TENM3: variants seen among roughly 807,000 people sequenced by gnomAD.
TENM3 encodes teneurin transmembrane protein 3.
Under a neutral mutation model 255.1 loss-of-function variants are expected in TENM3, and 63 were observed. That is an observed-to-expected ratio of 0.25 (90% CI 0.20 to 0.30). TENM3 has a LOEUF of 0.30. Ranked by LOEUF, TENM3 falls within the 10% of genes least tolerant of loss-of-function variation. TENM3 has a pLI of 1.00. For missense variants in TENM3, 2,929 were observed against 3,461.1 expected, an observed-to-expected ratio of 0.85 and a Z score of 3.86; for synonymous variants, 1,306 against 1,322.3, an observed-to-expected ratio of 0.99 and a Z score of 0.27.
chr4:182,525,746 TG>T (rs1374544019), intron 3 of TENM3, among the ~76,000 whole-genome samples: 1 of 152,200 alleles, frequency 6.6e-6, no homozygotes, highest in Non-Finnish European at 1.5e-5. Context: ...CTTGCCTCTT[TG>T]TCAGTTAACA....
At chr4:182,340,038 T>C (rs1376620653) in intron 2 of TENM3, among the ~76,000 whole-genome samples, 1 of 152,196 alleles carries the variant, frequency 6.6e-6, no homozygotes, top group Non-Finnish European at 1.5e-5. Context: ...GTCAGCCAAC[T>C]CACAACCTAA....
the TENM3 span, among the ~76,000 whole-genome samples, chr4:182,010,486 CAAAT>C: frequency 4.6e-5 from 7 of 151,348 alleles, no homozygotes; most frequent in Non-Finnish European, 7.4e-5. Flanking sequence ...ATTTGATTTA[CAAAT>C]AAATAATTAT....
chr4:181,936,598 C>T, the TENM3 span, among the ~76,000 whole-genome samples: 1 of 152,084 alleles, frequency 6.6e-6, no homozygotes, highest in African/African-American at 2.4e-5. Context: ...GTGAACAAGA[C>T]AGTCTTTGTC....
chr4:181,910,108 C>T, the TENM3 span, among the ~76,000 whole-genome samples: 1 of 152,036 alleles, frequency 6.6e-6, no homozygotes, highest in Non-Finnish European at 1.5e-5. Context: ...CCTTCTTGTC[C>T]TCAGTTATTC....
the TENM3 span, among the ~76,000 whole-genome samples, chr4:182,015,646 C>T: frequency 6.6e-5 from 10 of 152,022 alleles, no homozygotes; most frequent in Admixed American, 5.2e-4. Context: ...CTGCAACCTC[C>T]GCCTCCTGGG....
intron 1 of TENM3, among the ~76,000 whole-genome samples, chr4:182,307,393 C>T (rs891136641): frequency 8.5e-5 from 13 of 152,148 alleles, no homozygotes; most frequent in African/African-American, 2.9e-4. Flanking sequence ...ACAAAGAACC[C>T]TTCTACACCT....
chr4:182,104,100 G>A, the TENM3 span, among the ~76,000 whole-genome samples: 22 of 152,082 alleles, frequency 1.4e-4, no homozygotes, highest in South Asian at 4.1e-4. Context: ...TGTAATATAC[G>A]GTGGTGTAAA....
the TENM3 span, among the ~76,000 whole-genome samples, chr4:181,970,742 G>A: frequency 1.3e-5 from 2 of 152,088 alleles, no homozygotes; most frequent in Non-Finnish European, 2.9e-5. Flanking sequence ...GCTGCTGGCG[G>A]CTCAAACAAT....
chr4:181,875,286 T>C, the TENM3 span, among the ~76,000 whole-genome samples: 2 of 152,214 alleles, frequency 1.3e-5, no homozygotes, highest in Non-Finnish European at 2.9e-5. Flanking sequence ...GACCTGGCTA[T>C]CCTATTTATA....
the TENM3 span, among the ~76,000 whole-genome samples, chr4:181,759,310 C>A: frequency 6.6e-6 from 1 of 152,014 alleles, no homozygotes; most frequent in East Asian, 1.9e-4. Flanking sequence ...AATAGAGGGA[C>A]AAAGACTTTT....
chr4:181,591,270 T>C, the TENM3 span, among the ~76,000 whole-genome samples: 1 of 152,204 alleles, frequency 6.6e-6, no homozygotes, highest in African/African-American at 2.4e-5. Flanking sequence ...CACACATGAC[T>C]GATGGGAATG....
At position 182,731,000 on chromosome 4, in the gene TENM3, T is replaced by G; in HGVS notation, c.2828T>G (p.Val943Gly). 6.2e-7 allele frequency: 1 copy of G among 1,613,930 alleles called. No individual in the cohort carries two copies. Among genetic ancestry groups the G allele is most frequent in the Non-Finnish European group, 8.5e-7 (1 of 1,179,886 alleles). The stretch of plus-strand genomic sequence containing the variant: ...GTCTTTTATGTGATGGATACCCTAG[T>G]CATGAAGAAAGAAGAGAATGACATT... ...WNVFYVMDTL[V>G]MKKEENDIPS... Residue 943 changes from valine to glycine, a missense_variant, in exon 16 of 28, where the codon GTC (valine) becomes GGC (glycine). Val to Gly is a moderately radical substitution (Grantham distance 109). Coordinates refer to ENST00000511685, the MANE Select transcript of TENM3 (RefSeq NM_001080477.4).
the TENM3 span, among the ~76,000 whole-genome samples, chr4:181,569,886 G>A: frequency 6.6e-6 from 1 of 152,092 alleles, no homozygotes; most frequent in Non-Finnish European, 1.5e-5. Context: ...CACAGTTTTA[G>A]ACATTCAGGA....
At chr4:182,465,850 T>C (rs865774260) in intron 3 of TENM3, among the ~76,000 whole-genome samples, 19 of 152,316 alleles carry the variant, frequency 1.2e-4, no homozygotes, top group African/African-American at 4.3e-4. Context: ...CAGTTGCATA[T>C]AAAATAAAAT....
chr4:182,336,349 CAA>C (rs34731872), intron 2 of TENM3, among the ~76,000 whole-genome samples: 3 of 136,250 alleles, frequency 2.2e-5, no homozygotes, highest in Admixed American at 7.5e-5. Context: ...AGGAAGAAGC[CAA>C]AAAAAAAAAG....
chr4:182,389,810 C>G (rs1055529701), intron 3 of TENM3, among the ~76,000 whole-genome samples: 1 of 151,610 alleles, frequency 6.6e-6, no homozygotes, highest in Non-Finnish European at 1.5e-5. Context: ...CTCAGCCTCC[C>G]GAGTAGCTGG....
At chr4:182,717,409 C>G (rs1412986557) in intron 13 of TENM3, among the ~76,000 whole-genome samples, 2 of 152,192 alleles carry the variant, frequency 1.3e-5, no homozygotes, top group Non-Finnish European at 2.9e-5. Context: ...TTCAGACAAA[C>G]AGCTGTCATG....
chr4:182,660,901 C>T (rs760859172), intron 6 of TENM3, among the ~76,000 whole-genome samples: 17 of 152,116 alleles, frequency 1.1e-4, no homozygotes, highest in South Asian at 4.1e-4. Context: ...AGAAAATCTC[C>T]GTTAGGGAAA....
chr4:182,213,085 T>A (rs1755163831), intron 1 of TENM3, among the ~76,000 whole-genome samples: 2 of 152,210 alleles, frequency 1.3e-5, no homozygotes, highest in African/African-American at 4.8e-5. Flanking sequence ...TCTGTAAGTT[T>A]AGTTGGATGA....
Sources: allele counts gnomAD v4.1 joint callset (sites outside exome capture counted in the v4.1 genomes callset), GRCh38; gene constraint gnomAD v4.1.1; transcripts MANE v1.5; gene names NCBI Gene and HGNC (gene_info 2026-07-23, HGNC 2026-07-21).